The following DOCK4 variants were observed in gnomAD, a reference collection of about 807,000 sequenced individuals.
The protein encoded by DOCK4 is dedicator of cytokinesis 4, also known as dedicator of cytokinesis protein 4.
DOCK4 carries 97 observed loss-of-function variants against 268.1 expected under a neutral mutation model. That is an observed-to-expected ratio of 0.36 (90% CI 0.31 to 0.43). The LOEUF is 0.43. Ranked by LOEUF, DOCK4 falls within the 20% of genes least tolerant of loss-of-function variation. The pLI is 1.00. For missense variants in DOCK4, 2,145 were observed against 2,455.7 expected (o/e 0.87, Z 2.67); for synonymous variants, 954 against 887.2 (o/e 1.08, Z -1.34).
intron 18 of DOCK4, 55 bp from the exon 19 acceptor site, chr7:111,872,407 T>C: frequency 1.3e-6 from 2 of 1,531,014 alleles, no homozygotes; most frequent in Admixed American, 2.0e-5. Context: ...GTCTTTTTCC[T>C]CCAAATGTTC....
At chr7:112,164,675 T>C (rs1353455644) in intron 1 of DOCK4, among the ~76,000 whole-genome samples, 2 of 152,206 alleles carry the variant, frequency 1.3e-5, no homozygotes, top group Non-Finnish European at 2.9e-5. Context: ...TTACAATTAT[T>C]TTTAAAAACC....
chr7:111,990,211 T>A (rs904513842), intron 5 of DOCK4, among the ~76,000 whole-genome samples: 3 of 152,212 alleles, frequency 2.0e-5, no homozygotes, highest in African/African-American at 7.2e-5. Flanking sequence ...AGTACTGTTA[T>A]TGCTTTGGGC....
intron 27 of DOCK4, among the ~76,000 whole-genome samples, chr7:111,813,865 C>T (rs1450422184): frequency 6.6e-6 from 1 of 152,198 alleles, no homozygotes; most frequent in Non-Finnish European, 1.5e-5. Context: ...GAAAGGCTAT[C>T]AGGCAAGGAA....
At chr7:112,127,575 ACTT>A (rs1204633646) in intron 1 of DOCK4, among the ~76,000 whole-genome samples, 3 of 149,544 alleles carry the variant, frequency 2.0e-5, no homozygotes, top group African/African-American at 7.4e-5. Context: ...ATAAAAAAAA[ACTT>A]CTTTATTTTG....
chr7:112,146,444 C>G (rs1173523807), intron 1 of DOCK4, among the ~76,000 whole-genome samples: 1 of 152,184 alleles, frequency 6.6e-6, no homozygotes, highest in Non-Finnish European at 1.5e-5. Flanking sequence ...ACTGAAAGAA[C>G]TTTGAAGCCA....
At chr7:112,049,923 G>C (rs1387665252) in intron 1 of DOCK4, among the ~76,000 whole-genome samples, 1 of 152,130 alleles carries the variant, frequency 6.6e-6, no homozygotes, top group Non-Finnish European at 1.5e-5. Context: ...CTGAATATTA[G>C]CTTCACCACT....
chr7:111,778,554 G>C (rs563412977), intron 35 of DOCK4, among the ~76,000 whole-genome samples, 185 bp from the exon 36 acceptor site: 8 of 152,256 alleles, frequency 5.3e-5, no homozygotes, highest in African/African-American at 1.9e-4. Flanking sequence ...GCAATTACTG[G>C]ATAAGTTGGT....
intron 39 of DOCK4, among the ~76,000 whole-genome samples, chr7:111,761,147 G>T (rs1585903327): frequency 6.7e-6 from 1 of 150,350 alleles, no homozygotes; most frequent in Non-Finnish European, 1.5e-5. Context: ...TGCAACCTCC[G>T]TCTCCCACTT....
At position 111,822,344 on chromosome 7, in the gene DOCK4, T is replaced by A. The variant is rs762233555; in HGVS notation, c.2930+18A>T. ...TCTATACATTGAGCTGCAATTATCA[T>A]CAACTTAAATGTCTTACTTGTTAGC... is the stretch of plus-strand genomic sequence containing the variant. On this transcript the variant is annotated intron_variant, in intron 27 of 52. Transcript: ENST00000428084. 3.1e-6 allele frequency: 5 copies of A among 1,598,384 alleles called. No homozygotes were observed. The highest frequency in any genetic ancestry group is 4.5e-5 in the East Asian group (2 of 44,714).
intron 12 of DOCK4, among the ~76,000 whole-genome samples, chr7:111,925,530 T>C (rs1586388554): frequency 6.6e-6 from 1 of 152,100 alleles, no homozygotes; most frequent in Non-Finnish European, 1.5e-5. Context: ...CCAGGTTAGA[T>C]GGAGAAATCA....
chr7:111,791,606 G>C (rs1799555761), intron 30 of DOCK4, among the ~76,000 whole-genome samples: 1 of 152,094 alleles, frequency 6.6e-6, no homozygotes, highest in South Asian at 2.1e-4. Flanking sequence ...ATGACACCAT[G>C]GCCAGCTAAT....
intron 5 of DOCK4, among the ~76,000 whole-genome samples, chr7:111,989,567 G>C (rs1799351790): frequency 2.0e-5 from 3 of 152,106 alleles, no homozygotes; most frequent in Admixed American, 6.5e-5. Context: ...AACTAAAGCT[G>C]ATGAAATGGA....
chr7:111,903,549 T>G lies in DOCK4; in HGVS notation c.1193-1748A>C, dbSNP rs925947275. On this transcript the variant is annotated intron_variant, in intron 13 of 52. Coordinates refer to ENST00000428084, the MANE Select transcript of DOCK4 (RefSeq NM_001363540.2). Reference sequence around the variant, plus strand: ...ATTTTTAGAGAATGGCCCAGTACATTTTATGTTTATTAGACTTTCTATTTC... The same window carrying G: ...ATTTTTAGAGAATGGCCCAGTACATGTTATGTTTATTAGACTTTCTATTTC... 5.3e-5 allele frequency among the ~76,000 whole-genome samples: 8 copies of G among 152,354 alleles called. 1 individual carries two copies. Among genetic ancestry groups the G allele is most frequent in the Admixed American group, 5.2e-4 (8 of 15,302 alleles).
At chr7:112,052,899 T>C (rs909081767) in intron 1 of DOCK4, among the ~76,000 whole-genome samples, 4 of 152,168 alleles carry the variant, frequency 2.6e-5, no homozygotes, top group African/African-American at 4.8e-5. Flanking sequence ...ATAAAGTCAG[T>C]CTGTTTTCAA....
chr7:112,178,910 A>T (rs1818757581), intron 1 of DOCK4, among the ~76,000 whole-genome samples: 1 of 152,226 alleles, frequency 6.6e-6, no homozygotes. Flanking sequence ...TAACCAAGCC[A>T]TGAGAAATCA....
chr7:112,081,629 G>C (rs529365874), intron 1 of DOCK4, among the ~76,000 whole-genome samples: 1 of 152,214 alleles, frequency 6.6e-6, no homozygotes, highest in Non-Finnish European at 1.5e-5. Flanking sequence ...TACGTACTTT[G>C]TCAGTTATCT....
At chr7:111,809,025 C>G in intron 29 of DOCK4, 146 bp from the exon 30 acceptor site, 1 of 912,668 alleles carries the variant, frequency 1.1e-6, no homozygotes, top group Non-Finnish European at 1.6e-6. Flanking sequence ...CACGATGCCT[C>G]TAAGTCAAAT....
At chr7:112,136,483 C>G (rs1165755889) in intron 1 of DOCK4, among the ~76,000 whole-genome samples, 1 of 152,206 alleles carries the variant, frequency 6.6e-6, no homozygotes, top group Admixed American at 6.5e-5. Flanking sequence ...TTCACTCGCT[C>G]CCTCACACAT....
intron 51 of DOCK4, among the ~76,000 whole-genome samples, chr7:111,733,151 T>C (rs979810161): frequency 2.0e-5 from 3 of 152,206 alleles, no homozygotes; most frequent in Admixed American, 6.5e-5. Context: ...GATTAGCTGC[T>C]ACTCTCCCAG....
Sources: gnomAD v4.1 joint callset for allele counts (sites outside exome capture counted in the v4.1 genomes callset) on GRCh38, gnomAD v4.1.1 for gene constraint, MANE v1.5 for transcripts, NCBI Gene and HGNC (gene_info 2026-07-23, HGNC 2026-07-21) for gene names.